GBE1: variants seen among roughly 807,000 people sequenced by gnomAD.
The protein encoded by GBE1 is 1,4-alpha-glucan branching enzyme 1.
Under a neutral mutation model 88.8 loss-of-function variants are expected in GBE1, and 70 were observed. The observed-to-expected ratio is 0.79, with a 90% CI of 0.65 to 0.96. The LOEUF is 0.96. GBE1 is among the 40% of genes least tolerant of loss of function. The pLI is 0.00. For missense variants in GBE1, 872 were observed against 871.0 expected (o/e 1.00, Z -0.01); for synonymous variants, 284 against 300.1 (o/e 0.95, Z 0.56).
At chr3:81,755,434 T>C (rs1175824611) in intron 1 of GBE1, among the ~76,000 whole-genome samples, 1 of 152,092 alleles carries the variant, frequency 6.6e-6, no homozygotes, top group Non-Finnish European at 1.5e-5. Context: ...TAAGTTAATA[T>C]ATGACTATGA....
intron 1 of GBE1, among the ~76,000 whole-genome samples, chr3:81,750,630 C>CGT (rs1706506036): frequency 5.1e-4 from 12 of 23,344 alleles, no homozygotes; most frequent in African/African-American, 6.9e-4. Context: ...TATATATATA[C>CGT]GTATATATAT....
At chr3:81,761,323 C>T (rs1009107147) in intron 1 of GBE1, 52 bp downstream of exon 1, 3 of 1,564,090 alleles carry the variant, frequency 1.9e-6, no homozygotes, top group Non-Finnish European at 2.6e-6. Context: ...CGAGACGGCT[C>T]CTGGGAGGCG....
chr3:81,735,283 A>G (rs1317919188), intron 1 of GBE1, among the ~76,000 whole-genome samples: 1 of 152,154 alleles, frequency 6.6e-6, no homozygotes, highest in Non-Finnish European at 1.5e-5. Flanking sequence ...GAGATGTTAT[A>G]TTCTCCACTG....
intron 7 of GBE1, among the ~76,000 whole-genome samples, chr3:81,625,870 G>A (rs1296860964): frequency 1.3e-5 from 2 of 152,142 alleles, no homozygotes; most frequent in African/African-American, 4.8e-5. Context: ...GAGAAGGAGA[G>A]GAAGAAAGGC....
chr3:81,747,659 C>A (rs974693497), intron 1 of GBE1, among the ~76,000 whole-genome samples: 2 of 152,158 alleles, frequency 1.3e-5, no homozygotes, highest in African/African-American at 4.8e-5. Context: ...GTGAAAAGGC[C>A]CTGCCCCGCC....
intron 7 of GBE1, among the ~76,000 whole-genome samples, chr3:81,627,827 T>TGGG (rs1704440499): frequency 6.6e-6 from 1 of 151,630 alleles, no homozygotes; most frequent in African/African-American, 2.4e-5. Flanking sequence ...TCACCCAGGC[T>TGGG]GGAATGCAGT....
At chr3:81,634,192 AT>A (rs1333769980) in intron 7 of GBE1, among the ~76,000 whole-genome samples, 1 of 152,214 alleles carries the variant, frequency 6.6e-6, no homozygotes, top group African/African-American at 2.4e-5. Context: ...ATCTGAAAGT[AT>A]AACTCCAAAC....
At chr3:81,581,094 T>C in intron 11 of GBE1, 71 bp downstream of exon 11, 1 of 839,056 alleles carries the variant, frequency 1.2e-6, no homozygotes. Context: ...TATTTAAATA[T>C]GTTATTAAGG....
At chr3:81,695,426 T>A (rs994808155) in intron 2 of GBE1, among the ~76,000 whole-genome samples, 1 of 152,204 alleles carries the variant, frequency 6.6e-6, no homozygotes, top group South Asian at 2.1e-4. Flanking sequence ...TTATATGACA[T>A]GTCCAGAATA....
At chr3:81,606,875 T>C (rs1445832293) in intron 7 of GBE1, among the ~76,000 whole-genome samples, 1 of 152,234 alleles carries the variant, frequency 6.6e-6, no homozygotes, top group Admixed American at 6.5e-5. Context: ...CATTTTTAAA[T>C]TGATTATCAA....
chr3:81,677,555 G>T (rs531941580), intron 2 of GBE1, among the ~76,000 whole-genome samples: 1 of 152,276 alleles, frequency 6.6e-6, no homozygotes, highest in East Asian at 1.9e-4. Context: ...CTTGTATCAA[G>T]GAAGAATCTT....
chr3:81,656,680 AT>A (rs1704944124), intron 3 of GBE1, among the ~76,000 whole-genome samples: 1 of 152,214 alleles, frequency 6.6e-6, no homozygotes, highest in Non-Finnish European at 1.5e-5. Context: ...AGTTATCTTC[AT>A]GAGTAGTCTA....
chr3:81,517,741 T>C (rs1322570542), intron 14 of GBE1, among the ~76,000 whole-genome samples: 3 of 151,498 alleles, frequency 2.0e-5, no homozygotes, highest in Non-Finnish European at 3.0e-5. Flanking sequence ...TACCATTTAA[T>C]TAAATTACTG....
chr3:81,521,835 G>A (rs1702877932), intron 14 of GBE1, among the ~76,000 whole-genome samples: 1 of 151,512 alleles, frequency 6.6e-6, no homozygotes, highest in South Asian at 2.1e-4. Flanking sequence ...AGGAAGATAT[G>A]ACACAATACT....
intron 12 of GBE1, among the ~76,000 whole-genome samples, chr3:81,577,435 T>A (rs1703663922): frequency 6.6e-6 from 1 of 152,162 alleles, no homozygotes; most frequent in Non-Finnish European, 1.5e-5. Flanking sequence ...GTATTCATAT[T>A]TTTCTATTTT....
Position 81,490,345 on chromosome 3 carries a change from G to A in GBE1, c.*62C>T, listed in dbSNP as rs1229806065. 2 of 1,268,610 alleles carry A rather than the reference G, an allele frequency of 1.6e-6. No homozygotes were observed. Among genetic ancestry groups the A allele is most frequent in the Non-Finnish European group, 2.3e-6 (2 of 865,294 alleles). The allele number at this position is 1,268,610 out of a possible 1,614,324, so 78.6% of individuals were successfully genotyped here. A position where few individuals can be genotyped will look rare whatever the true frequency, so the allele number is the denominator to read the frequency against. On this transcript the variant is annotated 3_prime_UTR_variant, in exon 16 of 16. Coordinates refer to ENST00000429644, the MANE Select transcript of GBE1 (RefSeq NM_000158.4). ...AAAGCATACATGTTATAAGCTGTGT[G>A]ACAGTGATAACAAGAAAACAAAACA...
intron 7 of GBE1, among the ~76,000 whole-genome samples, chr3:81,639,029 T>C (rs915790818): frequency 2.6e-5 from 4 of 152,170 alleles, no homozygotes; most frequent in African/African-American, 7.2e-5. Flanking sequence ...ATAAAATTAA[T>C]CAGCCTAACA....
At chr3:81,536,724 A>G (rs1458370782) in intron 13 of GBE1, among the ~76,000 whole-genome samples, 187 bp downstream of exon 13, 2 of 152,118 alleles carry the variant, frequency 1.3e-5, no homozygotes, top group African/African-American at 4.8e-5. Flanking sequence ...ATTATGTTTA[A>G]GATTTTCATT....
chr3:81,525,264 C>T lies in GBE1; in HGVS notation c.1934+9931G>A, dbSNP rs140872024. 8.2e-4 allele frequency among the ~76,000 whole-genome samples: 125 copies of T among 152,006 alleles called. 1 individual carries two copies. The East Asian group carries it at 0.02, about 24-fold the overall frequency. Reference sequence around the variant, plus strand: ...AAGGGCTGTTGAATTTTGTCAAAGGCCTTTTCTTCATCTATTGAGATAATC... The same window carrying T: ...AAGGGCTGTTGAATTTTGTCAAAGGTCTTTTCTTCATCTATTGAGATAATC... On this transcript the variant is annotated intron_variant, in intron 14 of 15. Transcript: ENST00000429644.
Sources: gnomAD v4.1 joint callset for allele counts (sites outside exome capture counted in the v4.1 genomes callset) on GRCh38, gnomAD v4.1.1 for gene constraint, MANE v1.5 for transcripts, NCBI Gene and HGNC (gene_info 2026-07-23, HGNC 2026-07-21) for gene names.